MAML2: variants seen among roughly 807,000 people sequenced by gnomAD.
The protein encoded by MAML2 is mastermind-like protein 2.
MAML2 carries 22 observed loss-of-function variants against 96.1 expected under a neutral mutation model. The observed-to-expected ratio is 0.23, with a 90% confidence interval of 0.16 to 0.33. The LOEUF (loss-of-function observed/expected upper bound fraction) is 0.33. Among genes scored for constraint, MAML2 ranks in the 10% least tolerant of loss-of-function variants. The pLI is 1.00. For missense variants in MAML2, 1,367 were observed against 1,392.4 expected (o/e 0.98, Z 0.29); for synonymous variants, 561 against 521.3 (o/e 1.08, Z -1.04).
chr11:96,012,582 T>C (rs1302974856), intron 2 of MAML2, among the ~76,000 whole-genome samples: 1 of 152,222 alleles, frequency 6.6e-6, no homozygotes, highest in African/African-American at 2.4e-5. Flanking sequence ...AGACTCTGAA[T>C]GGATATAGGG....
intron 2 of MAML2, among the ~76,000 whole-genome samples, chr11:96,013,883 A>G (rs1020328738): frequency 6.6e-6 from 1 of 152,232 alleles, no homozygotes; most frequent in African/African-American, 2.4e-5. Flanking sequence ...CCTGTACACC[A>G]AGGCAGGAAC....
At chr11:96,114,653 C>T (rs919372797) in intron 1 of MAML2, among the ~76,000 whole-genome samples, 4 of 152,228 alleles carry the variant, frequency 2.6e-5, no homozygotes. Context: ...GAGAGGCTCT[C>T]ACCATGAAAG....
At chr11:96,182,180 C>G (rs1861496540) in intron 1 of MAML2, among the ~76,000 whole-genome samples, 1 of 145,220 alleles carries the variant, frequency 6.9e-6, no homozygotes, top group African/African-American at 2.5e-5. Context: ...TACCTGCCTC[C>G]CAGGTTTTGG....
intron 1 of MAML2, among the ~76,000 whole-genome samples, chr11:96,316,754 G>A (rs1322422276): frequency 6.6e-6 from 1 of 152,176 alleles, no homozygotes; most frequent in Non-Finnish European, 1.5e-5. Flanking sequence ...TATGTTGAAA[G>A]GTGTTAACTT....
chr11:96,068,424 TG>T (rs1476686772), intron 2 of MAML2, among the ~76,000 whole-genome samples: 1 of 102,736 alleles, frequency 9.7e-6, no homozygotes, highest in Non-Finnish European at 2.2e-5. Flanking sequence ...TAGAATTTCC[TG>T]GGGGAGCTTA....
At chr11:96,162,719 G>GAA (rs1298675054) in intron 1 of MAML2, among the ~76,000 whole-genome samples, 4 of 74,810 alleles carry the variant, frequency 5.3e-5, no homozygotes, top group African/African-American at 1.6e-4. Flanking sequence ...CTCAAAAAAA[G>GAA]AAAAAAAAAA....
At chr11:96,076,734 T>C (rs1329707888) in intron 2 of MAML2, among the ~76,000 whole-genome samples, 1 of 152,208 alleles carries the variant, frequency 6.6e-6, no homozygotes, top group Non-Finnish European at 1.5e-5. Flanking sequence ...CACAGACAGT[T>C]GGGAACGTCT....
At chr11:96,301,878 T>A (rs1210957066) in intron 1 of MAML2, among the ~76,000 whole-genome samples, 1 of 152,226 alleles carries the variant, frequency 6.6e-6, no homozygotes, top group Non-Finnish European at 1.5e-5. Flanking sequence ...TTATAATTAG[T>A]ATTACCTGCC....
intron 1 of MAML2, among the ~76,000 whole-genome samples, chr11:96,288,386 A>G (rs1001147103): frequency 1.2e-4 from 18 of 152,140 alleles, no homozygotes; most frequent in African/African-American, 4.3e-4. Flanking sequence ...TTCTAAAAAT[A>G]CAAAAATTAG....
rs202075522 is a variant in MAML2, at chr11:96,092,035, G to A, written c.1996C>T (p.Pro666Ser). 6.4e-7 allele frequency: 1 copy of A among 1,560,370 alleles called. No individual in the cohort carries two copies. The highest frequency in any genetic ancestry group is 8.7e-7 in the Non-Finnish European group (1 of 1,151,916). Residue 666 changes from proline (P) to serine (S), a missense_variant, in exon 2 of 5, where the codon CCA (proline) becomes TCA (serine). Coordinates refer to ENST00000524717, the MANE Select transcript of MAML2 (RefSeq NM_032427.4). The surrounding 1 kb of genome is among the most constrained non-coding windows in gnomAD (Gnocchi z 4.1). ...AGAGATTGGGCAGGCTGAGAAGATG[G>A]TTGTTGCTGCTGCTGCTGCTGCTGT... ...QQQQQQQQQQ[P>S]SSQPAQSLPS...
intron 1 of MAML2, among the ~76,000 whole-genome samples, chr11:96,171,290 T>G (rs1861291472): frequency 6.6e-6 from 1 of 152,206 alleles, no homozygotes; most frequent in Admixed American, 6.5e-5. Context: ...ATCACCTTAT[T>G]GCATATGTGT....
chr11:96,302,225 T>C (rs1361065574), intron 1 of MAML2, among the ~76,000 whole-genome samples: 1 of 150,870 alleles, frequency 6.6e-6, no homozygotes, highest in Non-Finnish European at 1.5e-5. Context: ...AAGAAGAATG[T>C]TTCTATCTCT....
At chr11:96,314,942 T>G (rs746828713) in intron 1 of MAML2, among the ~76,000 whole-genome samples, 1 of 152,212 alleles carries the variant, frequency 6.6e-6, no homozygotes, top group Non-Finnish European at 1.5e-5. Context: ...AGGAATTGTA[T>G]TCTTACTCCA....
intron 1 of MAML2, among the ~76,000 whole-genome samples, chr11:96,284,300 T>A (rs986440826): frequency 2.0e-5 from 3 of 152,178 alleles, no homozygotes; most frequent in Non-Finnish European, 4.4e-5. Context: ...GAGGTGCAGG[T>A]CCATATTTTC....
intron 2 of MAML2, among the ~76,000 whole-genome samples, chr11:96,045,486 C>T (rs1732296243): frequency 6.6e-6 from 1 of 152,160 alleles, no homozygotes; most frequent in Non-Finnish European, 1.5e-5. Context: ...GTCTATGATT[C>T]TCTCCTAATG....
chr11:95,979,451 T>A lies in MAML2; in HGVS notation c.2968A>T (p.Thr990Ser), dbSNP rs777053574. 5 of 1,613,658 alleles carry A rather than the reference T, an allele frequency of 3.1e-6. No individual in the cohort carries two copies. The highest frequency in any genetic ancestry group is 4.2e-6 in the Non-Finnish European group (5 of 1,179,768). ...TGATTTGGGGTATAGGCTGCAGGTG[T>A]ACCTGTGGGGAAGCGGACTCCTGCA... ...TSAGVRFPTG[T>S]PAAYTPNQSL... is the part of the protein sequence containing the mutation. The change falls in exon 5 of 5, where the codon ACA (threonine) becomes TCA (serine). Residue 990 changes from threonine (T) to serine (S), a missense_variant. Thr to Ser is a moderately conservative substitution (Grantham distance 58). Transcript: ENST00000524717.
Position 96,122,165 on chromosome 11 carries a change from G to A in MAML2, c.514-28648C>T, listed in dbSNP as rs192462295. Reference sequence around the variant, plus strand: ...AACTGACCTGTGTATGTTAACTACTGCCCTGGGGCGACAGCACAGAAAAGC... The same window carrying A: ...AACTGACCTGTGTATGTTAACTACTACCCTGGGGCGACAGCACAGAAAAGC... On this transcript the variant is annotated intron_variant, in intron 1 of 4. Transcript: ENST00000524717. Among the ~76,000 whole-genome samples the A allele has an allele frequency of 5.3e-5, 8 of 151,906 alleles. No individual in the cohort carries two copies. In the East Asian group the frequency reaches 1.4e-3, roughly 26 times the overall value.
chr11:96,007,973 A>G (rs1858211519), intron 2 of MAML2, among the ~76,000 whole-genome samples: 1 of 151,542 alleles, frequency 6.6e-6, no homozygotes, highest in South Asian at 2.1e-4. Context: ...ACATGTATAC[A>G]TATGTAACTA....
intron 1 of MAML2, among the ~76,000 whole-genome samples, chr11:96,160,475 T>G (rs1861086116): frequency 6.6e-6 from 1 of 151,014 alleles, no homozygotes; most frequent in Non-Finnish European, 1.5e-5. Flanking sequence ...TCACCCAGGC[T>G]GGAGTGCAAT....
Sources: allele counts gnomAD v4.1 joint callset (sites outside exome capture counted in the v4.1 genomes callset), GRCh38; gene constraint gnomAD v4.1.1; non-coding constraint Gnocchi (gnomAD v3.1); transcripts MANE v1.5; gene names NCBI Gene and HGNC (gene_info 2026-07-23, HGNC 2026-07-21).